The following ANKS1A variants were observed in gnomAD, a reference collection of about 807,000 sequenced individuals.
The protein encoded by ANKS1A is ankyrin repeat and SAM domain-containing protein 1A.
Under a neutral mutation model 120.3 loss-of-function variants are expected in ANKS1A, and 55 were observed. The observed-to-expected ratio is 0.46, with a 90% CI of 0.37 to 0.57. The LOEUF is 0.57. Among genes scored for constraint, ANKS1A ranks in the 20% least tolerant of loss-of-function variants. The pLI is 0.00. For synonymous variants in ANKS1A, 590 were observed against 604.7 expected (o/e 0.98, Z 0.36); for missense variants, 1,123 against 1,480.3 (o/e 0.76, Z 3.96).
At chr6:35,006,753 TCAAAAAACAAAA>T in intron 10 of ANKS1A, among the ~76,000 whole-genome samples, 1 of 152,214 alleles carries the variant, frequency 6.6e-6, no homozygotes, top group East Asian at 1.9e-4. Context: ...AGACTCCGTC[TCAAAAAACAAAA>T]CAAAAAACAA....
chr6:35,034,498 T>G lies in ANKS1A; in HGVS notation c.2010+16439T>G, dbSNP rs192755918. Among the ~76,000 whole-genome samples the G allele has an allele frequency of 6.2e-4, 94 of 152,356 alleles. No individual in the cohort carries two copies. In the South Asian group the frequency reaches 0.018, roughly 30 times the overall value. On this transcript the variant is annotated intron_variant, in intron 11 of 23. Transcript: ENST00000360359. Reference sequence around the variant, plus strand: ...CAAGAAATTACAAGATTCCTGGGTCTAGACCTGGCTTGTGGGAAGTTCTGT... The same window carrying G: ...CAAGAAATTACAAGATTCCTGGGTCGAGACCTGGCTTGTGGGAAGTTCTGT...
intron 11 of ANKS1A, among the ~76,000 whole-genome samples, chr6:35,045,311 G>A (rs1195780635): frequency 1.3e-5 from 2 of 152,150 alleles, no homozygotes; most frequent in Non-Finnish European, 2.9e-5. Flanking sequence ...GTTGATATGT[G>A]CATTTTGTGT....
rs1464677481 is a variant in ANKS1A, at chr6:35,086,614, C to G, written c.3304-338C>G. Reference sequence around the variant, plus strand: ...GCTCTCTGGGCCTACCAGAGAGACCCGAGGCTGGACATTTGCAAGCCCCAT... The same window carrying G: ...GCTCTCTGGGCCTACCAGAGAGACCGGAGGCTGGACATTTGCAAGCCCCAT... On this transcript the variant is annotated intron_variant, in intron 22 of 23. Coordinates refer to ENST00000360359, the MANE Select transcript of ANKS1A (RefSeq NM_015245.3). The surrounding 1 kb of genome is among the most constrained non-coding windows in gnomAD (Gnocchi z 5.1). 6.6e-6 allele frequency among the ~76,000 whole-genome samples: 1 copy of G among 151,940 alleles called. No homozygotes were observed. The highest frequency in any genetic ancestry group is 6.6e-5 in the Admixed American group (1 of 15,256).
At chr6:35,052,099 G>A (rs1336918337) in intron 11 of ANKS1A, among the ~76,000 whole-genome samples, 1 of 152,094 alleles carries the variant, frequency 6.6e-6, no homozygotes, top group African/African-American at 2.4e-5. Flanking sequence ...AAGATCACTT[G>A]AGCCCAGGAG....
intron 11 of ANKS1A, among the ~76,000 whole-genome samples, chr6:35,035,450 T>G (rs1394096088): frequency 6.6e-6 from 1 of 152,184 alleles, no homozygotes; most frequent in African/African-American, 2.4e-5. Context: ...TAAGAAAACA[T>G]TAGTTGTTTA....
rs201651533 is a variant in ANKS1A at position 34,975,205 on chromosome 6, GCA to G, written c.435+5041_435+5042del. Among the ~76,000 whole-genome samples the G allele has an allele frequency of 7.3e-3, 1,116 of 152,290 alleles. 20 individuals carry two copies. The highest frequency in any genetic ancestry group is 0.026 in the African/African-American group (1,060 of 41,552). ...TGCTGGAATTACAGGCATAATCCCA[GCA>G]CTTTGGGAGGCTGAGGCTGGTGGAT... On this transcript the variant is annotated intron_variant, in intron 3 of 23. Transcript: ENST00000360359.
At chr6:34,894,756 A>C (rs189396832) in intron 1 of ANKS1A, among the ~76,000 whole-genome samples, 97 of 152,346 alleles carry the variant, frequency 6.4e-4, no homozygotes, top group African/African-American at 2.3e-3. Flanking sequence ...TGAATGGAAA[A>C]GTAAAGTGAA....
At chr6:34,894,657 C>T (rs1766983739) in intron 1 of ANKS1A, among the ~76,000 whole-genome samples, 1 of 152,012 alleles carries the variant, frequency 6.6e-6, no homozygotes, top group South Asian at 2.1e-4. Flanking sequence ...GTCCTCACAC[C>T]ACCACCCCCC....
In ANKS1A at chr6:35,090,971, A is replaced by G; in HGVS notation, c.*2362A>G. The G allele has an allele frequency of 1.0e-6, 1 of 985,862 alleles. No individual in the cohort carries two copies. Among genetic ancestry groups the G allele is most frequent in the Non-Finnish European group, 1.2e-6 (1 of 829,978 alleles). The allele number at this position is 985,862 out of a possible 1,614,324, so 61.1% of individuals were successfully genotyped here. ...CCCTCCAGCGTCAGACACTAATGGG[A>G]GTTCCCGAGATGCTCGGGTTTGAGC... On this transcript the variant is annotated 3_prime_UTR_variant, in exon 24 of 24. Coordinates refer to ENST00000360359, the MANE Select transcript of ANKS1A (RefSeq NM_015245.3).
rs1277501219 is a variant in ANKS1A at position 35,054,147 on chromosome 6, G to A, written c.2059G>A (p.Glu687Lys). Reference sequence around the variant, plus strand: ...TGGAGAAGGGATTGACTTTTCTCAGGAACGGCAGAAGATCTCAGGTACCGT... The same window carrying A: ...TGGAGAAGGGATTGACTTTTCTCAGAAACGGCAGAAGATCTCAGGTACCGT... Reference protein sequence around the residue: ...SIGEGIDFSQERQKISGLRTL... With the variant: ...SIGEGIDFSQKRQKISGLRTL... The change falls in exon 12 of 24, where the codon GAA (glutamate) becomes AAA (lysine). Residue 687 changes from glutamate to lysine, a missense_variant. By Grantham distance (56) the Glu-to-Lys change is moderately conservative. Transcript: ENST00000360359. The A allele has an allele frequency of 3.1e-6, 5 of 1,613,912 alleles. No homozygotes were observed. Among genetic ancestry groups the A allele is most frequent in the African/African-American group, 1.3e-5 (1 of 74,910 alleles).
chr6:35,022,232 G>A (rs539257970), intron 11 of ANKS1A, among the ~76,000 whole-genome samples: 98 of 152,308 alleles, frequency 6.4e-4, no homozygotes, highest in Middle Eastern at 3.4e-3. Flanking sequence ...AGAGAGGTTG[G>A]AGAGAAATCT....
rs200658640 is a variant in ANKS1A at position 35,084,192 on chromosome 6, T to C, written c.3066T>C (p.Phe1022=). The change falls in exon 21 of 24, where the codon TTT becomes TTC. Residue 1022 remains phenylalanine, a synonymous_variant. Coordinates refer to ENST00000360359, the MANE Select transcript of ANKS1A (RefSeq NM_015245.3). This position sits in a 1 kb window ranked among gnomAD's most constrained non-coding sequence, Gnocchi z 4.8. ...AAQDPEDLCT[F]AYITKDLQTS... is the part of the protein sequence containing the mutation. ...AGGACCCGGAGGACCTCTGTACCTT[T>C]GCCTACATCACCAAGGACCTGCAGA... 47 of 1,614,072 alleles carry C rather than the reference T, an allele frequency of 2.9e-5. No homozygotes were observed. Among genetic ancestry groups the C allele is most frequent in the Non-Finnish European group, 2.5e-6 (3 of 1,180,030 alleles).
At chr6:34,891,198 G>A (rs1259912758) in intron 1 of ANKS1A, among the ~76,000 whole-genome samples, 1 of 152,182 alleles carries the variant, frequency 6.6e-6, no homozygotes, top group Non-Finnish European at 1.5e-5. Context: ...CATGTTTCAG[G>A]TGGGTACCCC....
At chr6:35,096,854 G>A in the ANKS1A span, among the ~76,000 whole-genome samples, 2 of 151,722 alleles carry the variant, frequency 1.3e-5, no homozygotes, top group Non-Finnish European at 2.9e-5. Flanking sequence ...GGCAAATTAC[G>A]TGAAGGAAAA....
chr6:34,960,245 A>G (rs1360022927), intron 1 of ANKS1A, among the ~76,000 whole-genome samples: 1 of 152,174 alleles, frequency 6.6e-6, no homozygotes, highest in Non-Finnish European at 1.5e-5. Flanking sequence ...TATCTCAAAT[A>G]TCACTCATTT....
At chr6:35,051,574 G>T (rs1395350152) in intron 11 of ANKS1A, among the ~76,000 whole-genome samples, 1 of 152,164 alleles carries the variant, frequency 6.6e-6, no homozygotes, top group Non-Finnish European at 1.5e-5. Context: ...CTACACTTTG[G>T]TTCATTCACA....
At chr6:35,016,745 A>G (rs553591015) in intron 10 of ANKS1A, among the ~76,000 whole-genome samples, 3 of 146,806 alleles carry the variant, frequency 2.0e-5, no homozygotes, top group African/African-American at 7.5e-5. Flanking sequence ...TTTTGGAAGA[A>G]GCAAGATGTG....
At chr6:34,929,513 C>G (rs150949605) in intron 1 of ANKS1A, among the ~76,000 whole-genome samples, 7 of 152,326 alleles carry the variant, frequency 4.6e-5, no homozygotes, top group African/African-American at 9.6e-5. Context: ...ATACAGATAT[C>G]TATTCTAGTG....
intron 3 of ANKS1A, among the ~76,000 whole-genome samples, chr6:34,981,487 A>ACAGT (rs1165801317): frequency 2.6e-5 from 4 of 151,980 alleles, no homozygotes; most frequent in African/African-American, 9.7e-5. Flanking sequence ...CTCCCCTCTC[A>ACAGT]CAGTCACTGG....
Sources: gnomAD v4.1 joint callset for allele counts (sites outside exome capture counted in the v4.1 genomes callset) on GRCh38, gnomAD v4.1.1 for gene constraint, Gnocchi (gnomAD v3.1) non-coding constraint, MANE v1.5 for transcripts, NCBI Gene and HGNC (gene_info 2026-07-23, HGNC 2026-07-21) for gene names.